The following HFM1 variants were observed in gnomAD, a reference collection of about 807,000 sequenced individuals.
HFM1 encodes the protein helicase for meiosis 1.
In HFM1, 169 loss-of-function variants were observed where a neutral mutation model predicts 192.1. The observed-to-expected ratio is 0.88, with a 90% confidence interval of 0.78 to 1.00. HFM1 has a LOEUF of 1.00. Ranked by LOEUF, HFM1 falls within the 50% of genes least tolerant of loss-of-function variation. The pLI is 0.00. For synonymous variants in HFM1, 525 were observed against 537.8 expected, an observed-to-expected ratio of 0.98 and a Z score of 0.33; for missense variants, 1,661 against 1,668.0, an observed-to-expected ratio of 1.00 and a Z score of 0.07.
intron 13 of HFM1, among the ~76,000 whole-genome samples, chr1:91,358,745 G>C (rs1557440644): frequency 6.6e-6 from 1 of 152,162 alleles, no homozygotes; most frequent in Non-Finnish European, 1.5e-5. Context: ...CAGCACACCT[G>C]CTCTACCAAA....
At chr1:91,377,795 A>G (rs1661074925) in intron 11 of HFM1, 2 of 506,178 alleles carry the variant, frequency 4.0e-6, no homozygotes, top group Non-Finnish European at 3.4e-6. Flanking sequence ...ACTGTTAGAT[A>G]CTAGCAAACG....
At chr1:91,322,045 G>A (rs1009568466) in intron 23 of HFM1, among the ~76,000 whole-genome samples, 1 of 152,072 alleles carries the variant, frequency 6.6e-6, no homozygotes, top group African/African-American at 2.4e-5. Context: ...GAGAGGATTG[G>A]GCTATATGAT....
rs71087940 is a variant in HFM1 at position 91,264,361 on chromosome 1, A to ATTTTTTTTTTTTTTTTTTTT, written c.3974+1636_3974+1655dup. 4.8e-3 allele frequency among the ~76,000 whole-genome samples: 275 copies of ATTTTTTTTTTTTTTTTTTTT among 57,092 alleles called. 47 individuals carry two copies. Among genetic ancestry groups the ATTTTTTTTTTTTTTTTTTTT allele is most frequent in the African/African-American group, 6.6e-3 (83 of 12,666 alleles). 37.5% of individuals were successfully genotyped at this position (57,092 alleles called of 152,430 possible). On this transcript the variant is annotated intron_variant, in intron 36 of 38. Transcript: ENST00000370425. Reference sequence around the variant, plus strand: ...TTCCAAGGGATACCACAAATTTAGTATTTTTTTTTTTTTTTTTTTTTTTTT... The same window carrying ATTTTTTTTTTTTTTTTTTTT: ...TTCCAAGGGATACCACAAATTTAGTATTTTTTTTTTTTTTTTTTTTTTTTTTTTTTTTTTTTTTTTTTTTT...
chr1:91,328,811 C>A, intron 20 of HFM1: 1 of 1,611,336 alleles, frequency 6.2e-7, no homozygotes, highest in Non-Finnish European at 8.5e-7. Flanking sequence ...GTGCAAACAT[C>A]TGCTGAGCCT....
chr1:91,390,601 A>G (rs1662844433), intron 4 of HFM1, among the ~76,000 whole-genome samples: 1 of 152,198 alleles, frequency 6.6e-6, no homozygotes, highest in African/African-American at 2.4e-5. Flanking sequence ...CATGGGATAT[A>G]CCTCAAAATA....
intron 18 of HFM1, among the ~76,000 whole-genome samples, chr1:91,348,962 T>A (rs931801021): frequency 1.3e-5 from 2 of 151,636 alleles, no homozygotes; most frequent in African/African-American, 2.4e-5. Context: ...AAAAGGAATG[T>A]GCAGAAGACT....
intron 30 of HFM1, among the ~76,000 whole-genome samples, chr1:91,291,113 T>C (rs1175456634): frequency 2.6e-5 from 4 of 151,856 alleles, no homozygotes; most frequent in South Asian, 2.1e-4. Flanking sequence ...AGATCCAAAA[T>C]TGACACCCTA....
At chr1:91,306,697 A>G (rs1649661180) in intron 30 of HFM1, among the ~76,000 whole-genome samples, 1 of 152,198 alleles carries the variant, frequency 6.6e-6, no homozygotes. Flanking sequence ...GGCCTCATTA[A>G]AAAAACAAAA....
intron 20 of HFM1, among the ~76,000 whole-genome samples, chr1:91,333,797 G>T (rs1654173594): frequency 6.6e-6 from 1 of 152,092 alleles, no homozygotes; most frequent in Admixed American, 6.6e-5. Flanking sequence ...CATGTACTTT[G>T]TGCCTGTAAT....
At chr1:91,287,130 C>T (rs184300496) in intron 30 of HFM1, among the ~76,000 whole-genome samples, 11 of 152,296 alleles carry the variant, frequency 7.2e-5, no homozygotes, top group South Asian at 2.1e-4. Context: ...ACAAAGCAGC[C>T]GGGAAGCTCG....
intron 2 of HFM1, among the ~76,000 whole-genome samples, chr1:91,400,012 T>C (rs917450641): frequency 5.3e-5 from 8 of 152,230 alleles, no homozygotes; most frequent in African/African-American, 1.9e-4. Context: ...TTTCCATTTG[T>C]GTGTTTAATC....
At chr1:91,277,882 T>TAG (rs1318770227) in intron 30 of HFM1, among the ~76,000 whole-genome samples, 25 of 88,144 alleles carry the variant, frequency 2.8e-4, no homozygotes, top group Admixed American at 5.4e-4. Context: ...TAATATATAC[T>TAG]TATATATTAT....
intron 36 of HFM1, among the ~76,000 whole-genome samples, chr1:91,265,363 T>G (rs1395639581): frequency 6.6e-6 from 1 of 152,186 alleles, no homozygotes; most frequent in Non-Finnish European, 1.5e-5. Context: ...TTCCTAGCTT[T>G]TCTTGAAAAG....
At chr1:91,373,578 A>G (rs1660522905) in intron 13 of HFM1, among the ~76,000 whole-genome samples, 1 of 151,828 alleles carries the variant, frequency 6.6e-6, no homozygotes, top group South Asian at 2.1e-4. Flanking sequence ...GCAGATCCTC[A>G]TGGCTTGGTG....
intron 16 of HFM1, 130 bp downstream of exon 16, chr1:91,352,376 C>G: frequency 1.7e-6 from 1 of 599,864 alleles, no homozygotes; most frequent in Non-Finnish European, 2.8e-6. Flanking sequence ...TATTCCTCCA[C>G]TAAAGGTAAA....
chr1:91,358,491 G>A (rs1658042082), intron 13 of HFM1, among the ~76,000 whole-genome samples: 1 of 151,908 alleles, frequency 6.6e-6, no homozygotes, highest in African/African-American at 2.4e-5. Context: ...CCAGAAATAA[G>A]TCCAAACATA....
chr1:91,283,351 C>T (rs1667633272), intron 30 of HFM1, among the ~76,000 whole-genome samples: 1 of 152,154 alleles, frequency 6.6e-6, no homozygotes, highest in East Asian at 1.9e-4. Flanking sequence ...TCAAGTGATC[C>T]TCCCAACTCA....
chr1:91,396,549 G>T, intron 2 of HFM1, 144 bp from the exon 3 acceptor site: 1 of 504,700 alleles, frequency 2.0e-6, no homozygotes, highest in Non-Finnish European at 3.6e-6. Context: ...TCCCTATACA[G>T]CAGTGTTCTC....
intron 30 of HFM1, among the ~76,000 whole-genome samples, chr1:91,289,924 C>A (rs1217389546): frequency 6.6e-6 from 1 of 151,996 alleles, no homozygotes; most frequent in South Asian, 2.1e-4. Flanking sequence ...AATTTTCAGC[C>A]CAGAATTTCA....
Sources: allele counts gnomAD v4.1 joint callset (sites outside exome capture counted in the v4.1 genomes callset), GRCh38; gene constraint gnomAD v4.1.1; transcripts MANE v1.5; gene names NCBI Gene and HGNC (gene_info 2026-07-23, HGNC 2026-07-21).